The following LDAH variants were observed in gnomAD, a reference collection of about 807,000 sequenced individuals.
LDAH encodes lipid droplet-associated hydrolase.
LDAH carries 26 observed loss-of-function variants against 29.6 expected under a neutral mutation model. That is an observed-to-expected ratio of 0.88 (90% CI 0.64 to 1.22). The LOEUF is 1.22. Among genes scored for constraint, LDAH ranks in the 50% most tolerant of loss-of-function variants. The pLI is 0.00. For missense variants in LDAH, 344 were observed against 387.3 expected (o/e 0.89, Z 0.94); for synonymous variants, 117 against 133.0 (o/e 0.88, Z 0.83).
intron 2 of LDAH, among the ~76,000 whole-genome samples, chr2:20,794,953 C>T (rs1195951513): frequency 6.6e-6 from 1 of 152,162 alleles, no homozygotes; most frequent in Non-Finnish European, 1.5e-5. Context: ...CTTCATACTT[C>T]ACCATTTAAA....
chr2:20,764,177 A>G (rs1051393907), intron 4 of LDAH, among the ~76,000 whole-genome samples: 1 of 151,896 alleles, frequency 6.6e-6, no homozygotes, highest in Admixed American at 6.6e-5. Flanking sequence ...AGAAAAGATA[A>G]TGTGTGTGTG....
In LDAH at chr2:20,774,797, G is replaced by C; in HGVS notation, c.468+13C>G. ...AGTCCAGCACCCACAGTTACCTCTG[G>C]AGACCTACTTACCGGGAGCTCAGGG... is the stretch of plus-strand genomic sequence containing the variant. On this transcript the variant is annotated intron_variant, in intron 4 of 6. Coordinates refer to ENST00000237822, the MANE Select transcript of LDAH (RefSeq NM_021925.4). 6.2e-7 allele frequency: 1 copy of C among 1,612,206 alleles called. No homozygotes were observed. Among genetic ancestry groups the C allele is most frequent in the Non-Finnish European group, 8.5e-7 (1 of 1,179,752 alleles).
intron 4 of LDAH, among the ~76,000 whole-genome samples, chr2:20,743,844 T>C (rs1337349570): frequency 6.6e-6 from 1 of 151,388 alleles, no homozygotes; most frequent in African/African-American, 2.4e-5. Flanking sequence ...CCCTTATGCA[T>C]ATGTTTCACC....
intron 3 of LDAH, among the ~76,000 whole-genome samples, chr2:20,779,255 T>C (rs1670018182): frequency 6.6e-6 from 1 of 152,124 alleles, no homozygotes; most frequent in African/African-American, 2.4e-5. Context: ...GAAAATACAG[T>C]TTCCTTGTGA....
chr2:20,795,986 A>C (rs935534253), intron 2 of LDAH, among the ~76,000 whole-genome samples: 2 of 148,962 alleles, frequency 1.3e-5, no homozygotes, highest in African/African-American at 2.5e-5. Context: ...CACACACACA[A>C]AATACAATTC....
At chr2:20,774,429 T>C (rs968107707) in intron 4 of LDAH, among the ~76,000 whole-genome samples, 4 of 152,202 alleles carry the variant, frequency 2.6e-5, no homozygotes, top group African/African-American at 9.6e-5. Context: ...TTCTTCCTTC[T>C]GAAAAAGGCA....
intron 5 of LDAH, among the ~76,000 whole-genome samples, chr2:20,738,559 C>A (rs1572515307): frequency 6.6e-6 from 1 of 152,026 alleles, no homozygotes. Flanking sequence ...GGGTCTGGAT[C>A]GGGACCCCTT....
intron 5 of LDAH, among the ~76,000 whole-genome samples, chr2:20,722,173 C>T (rs927085675): frequency 3.3e-5 from 5 of 151,916 alleles, no homozygotes; most frequent in Non-Finnish European, 7.4e-5. Context: ...GTCAGGAGTT[C>T]GAGACCAGCC....
At chr2:20,734,402 T>A (rs1045793201) in intron 5 of LDAH, among the ~76,000 whole-genome samples, 4 of 152,208 alleles carry the variant, frequency 2.6e-5, no homozygotes, top group African/African-American at 9.6e-5. Flanking sequence ...AATATAGAAT[T>A]CCATCTTCAT....
At chr2:20,707,186 TCTAGGAACTACTC>T (rs1480258620) in intron 5 of LDAH, among the ~76,000 whole-genome samples, 1 of 152,180 alleles carries the variant, frequency 6.6e-6, no homozygotes, top group Non-Finnish European at 1.5e-5. Context: ...ACACAAGACA[TCTAGGAACTACTC>T]CTATAGCTCA....
intron 3 of LDAH, among the ~76,000 whole-genome samples, chr2:20,780,408 A>G (rs916441881): frequency 2.6e-5 from 4 of 152,114 alleles, no homozygotes; most frequent in African/African-American, 7.2e-5. Context: ...CTTAGCAAAC[A>G]ATAAAAGAAA....
chr2:20,710,744 C>T (rs59416999), intron 5 of LDAH, among the ~76,000 whole-genome samples: 35,142 of 147,028 alleles, frequency 0.24, 4,694 homozygotes, highest in East Asian at 0.36. Flanking sequence ...ATATTATACA[C>T]ATATACATAT....
intron 5 of LDAH, among the ~76,000 whole-genome samples, chr2:20,714,075 T>C (rs902485248): frequency 6.6e-6 from 1 of 152,146 alleles, no homozygotes; most frequent in Non-Finnish European, 1.5e-5. Flanking sequence ...CAACAGAATA[T>C]ACCTTCTTCT....
At chr2:20,759,007 A>C (rs1480346750) in intron 4 of LDAH, among the ~76,000 whole-genome samples, 2 of 152,186 alleles carry the variant, frequency 1.3e-5, no homozygotes, top group Non-Finnish European at 2.9e-5. Flanking sequence ...ATATTACTGA[A>C]GCTCTCAGAG....
intron 2 of LDAH, among the ~76,000 whole-genome samples, chr2:20,800,209 A>G (rs942050210): frequency 6.6e-6 from 1 of 152,250 alleles, no homozygotes; most frequent in African/African-American, 2.4e-5. Context: ...GCCCTCTCTA[A>G]GAAACTCATA....
chr2:20,781,997 A>G (rs1670226157), intron 3 of LDAH, among the ~76,000 whole-genome samples: 1 of 152,244 alleles, frequency 6.6e-6, no homozygotes, highest in Non-Finnish European at 1.5e-5. Flanking sequence ...TCAATTTACA[A>G]TAAGAATTAA....
intron 5 of LDAH, among the ~76,000 whole-genome samples, chr2:20,722,556 T>C (rs373077628): frequency 2.0e-4 from 31 of 152,188 alleles, no homozygotes; most frequent in African/African-American, 7.5e-4. Flanking sequence ...GGGAAAATTA[T>C]AGTAATTGTA....
At chr2:20,799,290 G>T (rs1202870553) in intron 2 of LDAH, among the ~76,000 whole-genome samples, 2 of 152,098 alleles carry the variant, frequency 1.3e-5, no homozygotes, top group African/African-American at 4.8e-5. Context: ...AGTGTTAAAA[G>T]TGGTTGCCTC....
Position 20,698,437 on chromosome 2 carries a change from C to T in LDAH, c.786+3133G>A, listed in dbSNP as rs995347191. ...GGGCGCAGTGGCTCATGCCTGTAATCCCAGCACCTTGGGAGGCCGAGGCCG... is the reference window on the plus strand; with the variant it reads ...GGGCGCAGTGGCTCATGCCTGTAATTCCAGCACCTTGGGAGGCCGAGGCCG... On this transcript the variant is annotated intron_variant, in intron 6 of 6. Coordinates refer to ENST00000237822, the MANE Select transcript of LDAH (RefSeq NM_021925.4). This position sits in a 1 kb window ranked among gnomAD's most constrained non-coding sequence, Gnocchi z 4.4. 1.3e-5 allele frequency among the ~76,000 whole-genome samples: 2 copies of T among 152,186 alleles called. No individual in the cohort carries two copies. The highest frequency in any genetic ancestry group is 2.4e-5 in the African/African-American group (1 of 41,432).
Sources: gnomAD v4.1 joint callset for allele counts (sites outside exome capture counted in the v4.1 genomes callset) on GRCh38, gnomAD v4.1.1 for gene constraint, Gnocchi (gnomAD v3.1) non-coding constraint, MANE v1.5 for transcripts, NCBI Gene and HGNC (gene_info 2026-07-23, HGNC 2026-07-21) for gene names.